GPC5: variants seen among roughly 807,000 people sequenced by gnomAD.
GPC5 encodes glypican-5.
GPC5 carries 47 observed loss-of-function variants against 53.9 expected under a neutral mutation model. The ratio of observed to expected loss-of-function variants is 0.87; its 90% confidence interval spans 0.69 to 1.11. GPC5 has a LOEUF of 1.11. Among genes scored for constraint, GPC5 ranks in the 50% most tolerant of loss-of-function variants. The pLI is 0.00. For synonymous variants in GPC5, 286 were observed against 263.3 expected, an observed-to-expected ratio of 1.09 and a Z score of -0.84; for missense variants, 748 against 713.1, an observed-to-expected ratio of 1.05 and a Z score of -0.56.
intron 7 of GPC5, among the ~76,000 whole-genome samples, chr13:92,359,185 T>A (rs1400149023): frequency 6.6e-6 from 1 of 151,758 alleles, no homozygotes; most frequent in East Asian, 1.9e-4. Context: ...CTAGATATCC[T>A]AAATTATCAC....
intron 2 of GPC5, among the ~76,000 whole-genome samples, chr13:91,616,221 C>T (rs1443968936): frequency 6.6e-6 from 1 of 152,038 alleles, no homozygotes; most frequent in East Asian, 1.9e-4. Flanking sequence ...TGGAGCTGGG[C>T]ACCCTGACAA....
intron 7 of GPC5, chr13:92,240,072 C>T (rs1277820239): frequency 2.6e-5 from 4 of 152,130 alleles, no homozygotes; most frequent in South Asian, 4.1e-4. Flanking sequence ...AGGGCACCTC[C>T]TTGATACAGT....
At chr13:92,550,041 C>T (rs553308120) in intron 7 of GPC5, among the ~76,000 whole-genome samples, 8 of 151,730 alleles carry the variant, frequency 5.3e-5, no homozygotes, top group African/African-American at 1.9e-4. Context: ...CCAGAGATAT[C>T]TATTCTTCAA....
At chr13:92,282,646 T>C (rs866631607) in intron 7 of GPC5, among the ~76,000 whole-genome samples, 11 of 152,114 alleles carry the variant, frequency 7.2e-5, no homozygotes, top group South Asian at 4.1e-4. Flanking sequence ...CAAACTAAGC[T>C]TCATAAGTGA....
chr13:91,532,002 T>C (rs1396176905), intron 2 of GPC5, among the ~76,000 whole-genome samples: 1 of 151,808 alleles, frequency 6.6e-6, no homozygotes, highest in Non-Finnish European at 1.5e-5. Flanking sequence ...CTAACTGAAG[T>C]TTTCAAATCT....
At chr13:92,865,283 A>G (rs1879303797) in intron 7 of GPC5, among the ~76,000 whole-genome samples, 2 of 152,092 alleles carry the variant, frequency 1.3e-5, no homozygotes, top group South Asian at 4.1e-4. Context: ...TCTCCAGTCC[A>G]CCCATTAACA....
intron 6 of GPC5, among the ~76,000 whole-genome samples, chr13:91,969,884 T>C (rs1342358759): frequency 1.3e-5 from 2 of 152,100 alleles, no homozygotes; most frequent in Admixed American, 1.3e-4. Context: ...TTGGTGAGGA[T>C]ATGGAGAAAA....
At chr13:91,852,485 G>GT (rs901668844) in intron 5 of GPC5, among the ~76,000 whole-genome samples, 53 of 147,626 alleles carry the variant, frequency 3.6e-4, no homozygotes, top group Middle Eastern at 7.0e-3. Flanking sequence ...TGGTTTACTT[G>GT]TTTTTTTTTT....
At chr13:92,297,287 C>G (rs189485493) in intron 7 of GPC5, among the ~76,000 whole-genome samples, 1 of 151,546 alleles carries the variant, frequency 6.6e-6, no homozygotes, top group African/African-American at 2.4e-5. Context: ...ATATCTAGCT[C>G]AGGGATTGTA....
rs149543838 is a variant in GPC5 at position 92,494,576 on chromosome 13, G to A, written c.1561+349587G>A. ...TTATTTTGAAAAACATATATAAATC[G>A]TATATATGAAGTAATTGCAGCTGTA... On this transcript the variant is annotated intron_variant, in intron 7 of 7. Transcript: ENST00000377067. Among the ~76,000 whole-genome samples, 524 of 151,996 alleles carry A rather than the reference G, an allele frequency of 3.4e-3. 1 individual carries two copies. The highest frequency in any genetic ancestry group is 9.2e-3 in the African/African-American group (381 of 41,464).
At chr13:92,546,049 C>T (rs1001953778) in intron 7 of GPC5, among the ~76,000 whole-genome samples, 1 of 151,992 alleles carries the variant, frequency 6.6e-6, no homozygotes, top group Non-Finnish European at 1.5e-5. Flanking sequence ...AAACCCACAG[C>T]CAATATCATA....
chr13:92,199,334 G>A (rs1038207498), intron 7 of GPC5, among the ~76,000 whole-genome samples: 4 of 152,112 alleles, frequency 2.6e-5, no homozygotes, highest in East Asian at 1.9e-4. Context: ...AAATATCTGC[G>A]GGTTTAACTT....
chr13:91,685,502 T>G (rs2035602230), intron 2 of GPC5, among the ~76,000 whole-genome samples: 1 of 152,230 alleles, frequency 6.6e-6, no homozygotes, highest in African/African-American at 2.4e-5. Flanking sequence ...ATAAGCAAAT[T>G]GATCTTTGGA....
At chr13:92,051,836 A>T (rs1052725337) in intron 6 of GPC5, among the ~76,000 whole-genome samples, 4 of 152,222 alleles carry the variant, frequency 2.6e-5, no homozygotes, top group Non-Finnish European at 4.4e-5. Context: ...TAGACCAGAC[A>T]TATGAAGGGG....
chr13:92,769,221 C>CA (rs1371910874), intron 7 of GPC5, among the ~76,000 whole-genome samples: 5 of 152,152 alleles, frequency 3.3e-5, no homozygotes, highest in African/African-American at 4.8e-5. Context: ...AAGGTTGCAT[C>CA]ATTTCATGGA....
At chr13:91,792,964 G>A (rs1011026121) in intron 5 of GPC5, among the ~76,000 whole-genome samples, 4 of 152,128 alleles carry the variant, frequency 2.6e-5, no homozygotes, top group African/African-American at 9.7e-5. Context: ...TTGAGGGAAA[G>A]TCCATCTTTT....
chr13:92,633,646 T>G (rs947205682), intron 7 of GPC5, among the ~76,000 whole-genome samples: 7 of 152,134 alleles, frequency 4.6e-5, no homozygotes, highest in Non-Finnish European at 1.0e-4. Flanking sequence ...TTCTATTGAT[T>G]TTCACAATTT....
At chr13:91,932,084 T>C (rs564050215) in intron 6 of GPC5, among the ~76,000 whole-genome samples, 564 of 152,174 alleles carry the variant, frequency 3.7e-3, no homozygotes, top group Non-Finnish European at 5.7e-3. Context: ...GATTTCCTCA[T>C]GCTTCAGATA....
chr13:92,470,662 C>G lies in GPC5; in HGVS notation c.1561+325673C>G, dbSNP rs563174978. The stretch of plus-strand genomic sequence containing the variant: ...AACCACTGCTGAGCAGTAGCTTTCT[C>G]ATTGCAATCATTTCTACACCACCTT... On this transcript the variant is annotated intron_variant, in intron 7 of 7. Transcript: ENST00000377067. Among the ~76,000 whole-genome samples the G allele has an allele frequency of 2.6e-5, 4 of 152,144 alleles. No homozygotes were observed. In the South Asian group the frequency reaches 8.3e-4, roughly 31 times the overall value.
Sources: allele counts gnomAD v4.1 joint callset (sites outside exome capture counted in the v4.1 genomes callset), GRCh38; gene constraint gnomAD v4.1.1; transcripts MANE v1.5; gene names NCBI Gene and HGNC (gene_info 2026-07-23, HGNC 2026-07-21).